IL1RAPL2: variants seen among roughly 807,000 people sequenced by gnomAD.
IL1RAPL2 encodes X-linked interleukin-1 receptor accessory protein-like 2.
Under a neutral mutation model 44.1 loss-of-function variants are expected in IL1RAPL2, and 3 were observed. That is an observed-to-expected ratio of 0.07 (90% confidence interval 0.03 to 0.18). The LOEUF is 0.18. Ranked by LOEUF, IL1RAPL2 falls within the 10% of genes least tolerant of loss-of-function variation. The probability of loss-of-function intolerance (pLI) is 1.00; values close to 1 mark genes in which losing one functional copy is unlikely to be tolerated. For missense variants in IL1RAPL2, 391 were observed against 496.4 expected (o/e 0.79, Z 2.02); for synonymous variants, 181 against 178.8 (o/e 1.01, Z -0.10).
chrX:104,793,110 A>G (rs1348188283), intron 2 of IL1RAPL2, among the ~76,000 whole-genome samples: 2 of 112,319 alleles, frequency 1.8e-5, no homozygotes, highest in Non-Finnish European at 3.8e-5. Flanking sequence ...ATGGCCACTC[A>G]AGAATTCTGT....
rs1304469176 is a variant in IL1RAPL2, at chrX:105,511,311, T to C, written c.772+26924T>C. Among the ~76,000 whole-genome samples the C allele has an allele frequency of 2.7e-5, 3 of 111,943 alleles. No individual in the cohort carries two copies. In the East Asian group the frequency reaches 8.5e-4, roughly 32 times the overall value. ...GGACATCATAAGTATGAATAATGTCTATTTTTACTCATTTCATTTCTGCAG... is the reference window on the plus strand; with the variant it reads ...GGACATCATAAGTATGAATAATGTCCATTTTTACTCATTTCATTTCTGCAG... On this transcript the variant is annotated intron_variant, in intron 6 of 10. Transcript: ENST00000372582.
chrX:105,003,659 G>A (rs1420758478), intron 2 of IL1RAPL2, among the ~76,000 whole-genome samples: 1 of 110,914 alleles, frequency 9.0e-6, no homozygotes, highest in Non-Finnish European at 1.9e-5. Context: ...CTTAGTAAGA[G>A]TGGGAGAAGG....
chrX:105,666,176 T>A (rs772609729), intron 6 of IL1RAPL2, among the ~76,000 whole-genome samples: 1 of 109,019 alleles, frequency 9.2e-6, no homozygotes, highest in Non-Finnish European at 1.9e-5. Context: ...AAAACCCACA[T>A]AGCTTTATAA....
chrX:105,006,971 C>A (rs1367257343), intron 2 of IL1RAPL2, among the ~76,000 whole-genome samples: 4 of 111,424 alleles, frequency 3.6e-5, no homozygotes, highest in South Asian at 3.7e-4. Flanking sequence ...CAATTATAGT[C>A]CCCTCTCAAG....
At chrX:105,300,140 A>T (rs907247000) in intron 5 of IL1RAPL2, among the ~76,000 whole-genome samples, 5 of 111,837 alleles carry the variant, frequency 4.5e-5, no homozygotes, top group Admixed American at 9.5e-5. Context: ...AATAAAAAGA[A>T]TTTGTAAGGA....
At chrX:105,067,100 G>A (rs2032146913) in intron 2 of IL1RAPL2, among the ~76,000 whole-genome samples, 1 of 112,009 alleles carries the variant, frequency 8.9e-6, no homozygotes, top group African/African-American at 3.2e-5. Context: ...CGCTGAGTAA[G>A]ACCTACTGCA....
intron 1 of IL1RAPL2, among the ~76,000 whole-genome samples, chrX:104,641,269 CT>C (rs1929929982): frequency 9.0e-6 from 1 of 111,403 alleles, no homozygotes; most frequent in South Asian, 3.8e-4. Context: ...CGGTGGTAGA[CT>C]GGGTTGGGTA....
intron 2 of IL1RAPL2, among the ~76,000 whole-genome samples, chrX:104,919,068 G>A (rs987901116): frequency 6.3e-5 from 7 of 111,080 alleles, no homozygotes; most frequent in Non-Finnish European, 1.3e-4. Context: ...CTAGATCTAC[G>A]TATGTAACAT....
chrX:105,648,470 A>G (rs1160901043), intron 6 of IL1RAPL2, among the ~76,000 whole-genome samples: 1 of 111,673 alleles, frequency 9.0e-6, no homozygotes, highest in African/African-American at 3.3e-5. Flanking sequence ...ATGAATTTCA[A>G]GTTCTAGATG....
chrX:105,031,190 CA>C (rs2031486170), intron 2 of IL1RAPL2, among the ~76,000 whole-genome samples: 1 of 109,955 alleles, frequency 9.1e-6, no homozygotes, highest in African/African-American at 3.3e-5. Flanking sequence ...CATCTGCAAA[CA>C]GGGACAATTT....
chrX:105,452,295 T>G (rs1171364234), intron 5 of IL1RAPL2, among the ~76,000 whole-genome samples: 1 of 111,708 alleles, frequency 9.0e-6, no homozygotes, highest in Non-Finnish European at 1.9e-5. Flanking sequence ...CTTTTTTAAC[T>G]TCTTTTTTTC....
intron 2 of IL1RAPL2, among the ~76,000 whole-genome samples, chrX:104,676,229 G>T (rs1337178171): frequency 2.7e-5 from 3 of 111,704 alleles, no homozygotes; most frequent in Non-Finnish European, 5.6e-5. Context: ...ATTTTGCAGT[G>T]GCTGGTACCA....
chrX:105,372,463 G>A (rs988714579), intron 5 of IL1RAPL2, among the ~76,000 whole-genome samples: 4 of 109,841 alleles, frequency 3.6e-5, no homozygotes, highest in African/African-American at 1.3e-4. Context: ...CTTTTAATCA[G>A]CTTAAATGTG....
At chrX:105,750,851 T>C (rs924980292) in intron 9 of IL1RAPL2, among the ~76,000 whole-genome samples, 2 of 105,673 alleles carry the variant, frequency 1.9e-5, no homozygotes, top group Admixed American at 1.0e-4. Flanking sequence ...TCTTGACTTC[T>C]TATCTGTACA....
At chrX:104,576,311 T>C (rs1421313623) in intron 1 of IL1RAPL2, among the ~76,000 whole-genome samples, 3 of 111,341 alleles carry the variant, frequency 2.7e-5, no homozygotes, top group Non-Finnish European at 3.8e-5. Flanking sequence ...ATACTAAGAG[T>C]AGTAACAGAT....
At position 105,318,459 on chromosome X, in the gene IL1RAPL2, T is replaced by A. The variant is rs750959158; in HGVS notation, c.697+50918T>A. Among the ~76,000 whole-genome samples, 28 of 110,899 alleles carry A rather than the reference T, an allele frequency of 2.5e-4. No homozygotes were observed. In the South Asian group the frequency reaches 4.9e-3, roughly 20 times the overall value. On this transcript the variant is annotated intron_variant, in intron 5 of 10. Transcript: ENST00000372582. ...GATTTGTTCAGTCAGAGAAAAAAAA[T>A]TTTTTTGGAGGAGTTGGAACCTGAG... is the stretch of plus-strand genomic sequence containing the variant.
At chrX:105,685,133 CA>C (rs2037959456) in intron 6 of IL1RAPL2, among the ~76,000 whole-genome samples, 1 of 111,912 alleles carries the variant, frequency 8.9e-6, no homozygotes, top group African/African-American at 3.3e-5. Flanking sequence ...TTCAAAAAAT[CA>C]GAGCGCCTCT....
chrX:105,035,399 A>T (rs776387000), intron 2 of IL1RAPL2, among the ~76,000 whole-genome samples: 126 of 111,935 alleles, frequency 1.1e-3, no homozygotes, highest in Non-Finnish European at 7.5e-4. Flanking sequence ...CTCTTATGTT[A>T]AGTGTCTTAT....
At chrX:104,732,691 A>G (rs1177389685) in intron 2 of IL1RAPL2, among the ~76,000 whole-genome samples, 1 of 112,004 alleles carries the variant, frequency 8.9e-6, no homozygotes, top group Non-Finnish European at 1.9e-5. Flanking sequence ...TAGTTTATCA[A>G]ATTTTCAAAG....
Sources: allele counts gnomAD v4.1 joint callset (sites outside exome capture counted in the v4.1 genomes callset), GRCh38; gene constraint gnomAD v4.1.1; transcripts MANE v1.5; gene names NCBI Gene and HGNC (gene_info 2026-07-23, HGNC 2026-07-21).